Variants in ZC3H12B observed in about 807,000 individuals in gnomAD.
ZC3H12B encodes the protein zinc finger CCCH-type containing 12B.
A neutral mutation model predicts 43.9 loss-of-function variants in ZC3H12B; 7 were observed. That is an observed-to-expected ratio of 0.16 (90% CI 0.09 to 0.30). ZC3H12B has a LOEUF of 0.30. ZC3H12B is among the 10% of genes least tolerant of loss of function. The pLI, the probability that ZC3H12B is intolerant of heterozygous loss-of-function variation, is 1.00. For missense variants in ZC3H12B, 475 were observed against 670.2 expected (o/e 0.71, Z 3.22); for synonymous variants, 222 against 241.7 (o/e 0.92, Z 0.76).
chrX:65,141,290 T>C, the ZC3H12B span, among the ~76,000 whole-genome samples: 1 of 110,471 alleles, frequency 9.1e-6, no homozygotes, highest in Non-Finnish European at 1.9e-5. Context: ...AATTCCCTTT[T>C]AATTTATTCT....
At chrX:65,310,428 G>A in the ZC3H12B span, among the ~76,000 whole-genome samples, 2 of 111,327 alleles carry the variant, frequency 1.8e-5, no homozygotes, top group Non-Finnish European at 3.8e-5. Context: ...AAAATACCTA[G>A]GAATCCAACT....
the ZC3H12B span, among the ~76,000 whole-genome samples, chrX:65,230,862 G>A: frequency 3.6e-5 from 4 of 111,655 alleles, no homozygotes; most frequent in Non-Finnish European, 5.6e-5. Context: ...ATTATCAAAA[G>A]TAACTACACA....
chrX:65,288,468 G>A, the ZC3H12B span, among the ~76,000 whole-genome samples: 5 of 112,296 alleles, frequency 4.5e-5, no homozygotes, highest in African/African-American at 1.6e-4. Context: ...AAATCAGATT[G>A]GATTTATGCA....
At chrX:65,459,223 C>T (rs2067689662) in intron 3 of ZC3H12B, among the ~76,000 whole-genome samples, 1 of 111,794 alleles carries the variant, frequency 8.9e-6, no homozygotes, top group South Asian at 3.7e-4. Context: ...TAATAGCTTA[C>T]CAACCGAAAA....
At chrX:65,166,744 G>C in the ZC3H12B span, among the ~76,000 whole-genome samples, 1 of 111,821 alleles carries the variant, frequency 8.9e-6, no homozygotes, top group Non-Finnish European at 1.9e-5. Context: ...ATTCTAACTG[G>C]TGTGAGATGG....
the ZC3H12B span, among the ~76,000 whole-genome samples, chrX:65,172,118 G>A: frequency 8.9e-6 from 1 of 112,497 alleles, no homozygotes; most frequent in African/African-American, 3.2e-5. Context: ...GACACTGGGA[G>A]ATGTAGACTG....
chrX:65,253,741 GC>G, the ZC3H12B span, among the ~76,000 whole-genome samples: 3 of 111,863 alleles, frequency 2.7e-5, no homozygotes, highest in Non-Finnish European at 5.6e-5. Flanking sequence ...ATAGCTTTGT[GC>G]TGGAAGACCA....
intron 3 of ZC3H12B, among the ~76,000 whole-genome samples, chrX:65,441,153 T>A (rs752857941): frequency 2.7e-5 from 3 of 112,098 alleles, no homozygotes; most frequent in Non-Finnish European, 5.6e-5. Context: ...TTAGAACTTG[T>A]GCCTCCCATT....
At chrX:65,393,388 C>T (rs770035554) in intron 2 of ZC3H12B, among the ~76,000 whole-genome samples, 8 of 111,017 alleles carry the variant, frequency 7.2e-5, no homozygotes, top group Middle Eastern at 4.2e-3. Context: ...CCTTTCAACC[C>T]GTCATCTAGG....
chrX:65,145,176 A>G, the ZC3H12B span, among the ~76,000 whole-genome samples: 1 of 110,191 alleles, frequency 9.1e-6, no homozygotes, highest in African/African-American at 3.3e-5. Context: ...AGTTAGGATT[A>G]GGATTGTGGT....
At chrX:65,281,860 G>C in the ZC3H12B span, among the ~76,000 whole-genome samples, 1 of 111,884 alleles carries the variant, frequency 8.9e-6, no homozygotes, top group African/African-American at 3.2e-5. Context: ...CACAGCAAAG[G>C]AGACAATCAG....
At chrX:65,092,843 T>C in the ZC3H12B span, among the ~76,000 whole-genome samples, 1 of 111,880 alleles carries the variant, frequency 8.9e-6, no homozygotes, top group Non-Finnish European at 1.9e-5. Context: ...GGGGAGGAGT[T>C]CATGGCAGCT....
intron 2 of ZC3H12B, among the ~76,000 whole-genome samples, chrX:65,386,696 C>T (rs949897918): frequency 3.6e-5 from 4 of 111,085 alleles, no homozygotes; most frequent in South Asian, 3.8e-4. Context: ...ACCTTTTGAA[C>T]GTGTTTGCTC....
At chrX:65,201,395 TC>T in the ZC3H12B span, among the ~76,000 whole-genome samples, 2 of 111,785 alleles carry the variant, frequency 1.8e-5, no homozygotes, top group Non-Finnish European at 3.8e-5. Context: ...AGTGGTGCTA[TC>T]CCCCTTATCA....
At chrX:65,423,305 G>T (rs1380454016) in intron 3 of ZC3H12B, among the ~76,000 whole-genome samples, 3 of 111,943 alleles carry the variant, frequency 2.7e-5, no homozygotes, top group Non-Finnish European at 5.6e-5. Context: ...ATTGTGAATA[G>T]TGCTGCAATA....
At chrX:65,249,796 ATTTTTT>A in the ZC3H12B span, among the ~76,000 whole-genome samples, 3 of 48,940 alleles carry the variant, frequency 6.1e-5, no homozygotes, top group Non-Finnish European at 1.1e-4. Flanking sequence ...ATTCCTAAGT[ATTTTTT>A]TTTTTTTTTT....
At chrX:65,232,827 G>A in the ZC3H12B span, among the ~76,000 whole-genome samples, 2 of 110,601 alleles carry the variant, frequency 1.8e-5, no homozygotes, top group East Asian at 5.7e-4. Flanking sequence ...AAAAAGACTC[G>A]ACTATATGCT....
At chrX:65,138,139 A>G in the ZC3H12B span, among the ~76,000 whole-genome samples, 1 of 112,461 alleles carries the variant, frequency 8.9e-6, no homozygotes, top group African/African-American at 3.2e-5. Context: ...AATACAACAC[A>G]TTGCTGCTAA....
At chrX:65,379,502 A>G (rs376440135) in intron 2 of ZC3H12B, among the ~76,000 whole-genome samples, 16 of 112,226 alleles carry the variant, frequency 1.4e-4, no homozygotes, top group Admixed American at 4.7e-4. Flanking sequence ...CCACAAAGAT[A>G]GGGAAAAAAC....
Sources: gnomAD v4.1 joint callset for allele counts (sites outside exome capture counted in the v4.1 genomes callset) on GRCh38, gnomAD v4.1.1 for gene constraint, MANE v1.5 for transcripts, NCBI Gene and HGNC (gene_info 2026-07-23, HGNC 2026-07-21) for gene names.